The following PARD3B variants were observed in gnomAD, a reference collection of about 807,000 sequenced individuals.
The protein encoded by PARD3B is partitioning defective 3 homolog B.
In PARD3B, 103 loss-of-function variants were observed where a neutral mutation model predicts 130.2. The observed-to-expected ratio is 0.79, with a 90% CI of 0.67 to 0.93. The LOEUF is 0.93. PARD3B is among the 40% of genes least tolerant of loss of function. PARD3B has a pLI of 0.00. For missense variants in PARD3B, 1,609 were observed against 1,499.2 expected (o/e 1.07, Z -1.21); for synonymous variants, 583 against 553.2 (o/e 1.05, Z -0.76).
intron 2 of PARD3B, among the ~76,000 whole-genome samples, chr2:204,918,318 T>C (rs535210357): frequency 8.5e-5 from 13 of 152,238 alleles, no homozygotes; most frequent in Admixed American, 2.6e-4. Context: ...CTAGACTTGC[T>C]TTGAAACTTC....
At chr2:204,573,392 A>G (rs1290944249) in intron 1 of PARD3B, among the ~76,000 whole-genome samples, 1 of 152,188 alleles carries the variant, frequency 6.6e-6, no homozygotes, top group African/African-American at 2.4e-5. Context: ...TCTGATGCCT[A>G]TAGGCTCTGC....
chr2:204,650,490 A>G (rs1377114682), intron 1 of PARD3B, among the ~76,000 whole-genome samples: 2 of 152,212 alleles, frequency 1.3e-5, no homozygotes, highest in Admixed American at 1.3e-4. Context: ...AAGACATGGA[A>G]TCAACCTAAA....
In PARD3B at chr2:205,590,365, A is replaced by G. The variant is rs1041812995; in HGVS notation, c.3261-25091A>G. On this transcript the variant is annotated intron_variant, in intron 22 of 22. Transcript: ENST00000406610. The surrounding 1 kb of genome is among the most constrained non-coding windows in gnomAD (Gnocchi z 4.1). ...CCATGGTGGCAAGATGGCTGCCCAC[A>G]GCATCAGGCTTACTTCCCCCTCTTC... 4.7e-5 allele frequency among the ~76,000 whole-genome samples: 5 copies of G among 105,714 alleles called. No homozygotes were observed. Among genetic ancestry groups the G allele is most frequent in the African/African-American group, 1.5e-4 (4 of 27,122 alleles). 69.4% of individuals were successfully genotyped at this position (105,714 alleles called of 152,430 possible). A position where few individuals can be genotyped will look rare whatever the true frequency, so the allele number is the denominator to read the frequency against.
intron 1 of PARD3B, among the ~76,000 whole-genome samples, chr2:204,601,533 A>G (rs2033513384): frequency 6.6e-6 from 1 of 152,012 alleles, no homozygotes; most frequent in Admixed American, 6.6e-5. Flanking sequence ...TTATATGCAA[A>G]TGATATTTTT....
chr2:205,273,110 T>C (rs1233346710), intron 16 of PARD3B, among the ~76,000 whole-genome samples: 1 of 152,226 alleles, frequency 6.6e-6, no homozygotes, highest in African/African-American at 2.4e-5. Flanking sequence ...TGTAAACTAG[T>C]TCAGTGTTCT....
At chr2:204,915,904 A>G (rs942374485) in intron 2 of PARD3B, among the ~76,000 whole-genome samples, 1 of 152,158 alleles carries the variant, frequency 6.6e-6, no homozygotes, top group Non-Finnish European at 1.5e-5. Flanking sequence ...TTAAAAATTC[A>G]TTTACGGTTT....
intron 18 of PARD3B, among the ~76,000 whole-genome samples, chr2:205,303,083 A>G (rs2042068610): frequency 7.4e-6 from 1 of 135,082 alleles, no homozygotes; most frequent in Non-Finnish European, 1.5e-5. Context: ...ACTTTTGGGT[A>G]AAAAAAAAAG....
At chr2:205,215,278 CTTT>C (rs879735307) in intron 15 of PARD3B, among the ~76,000 whole-genome samples, 2 of 142,152 alleles carry the variant, frequency 1.4e-5, no homozygotes, top group African/African-American at 5.1e-5. Context: ...TTACATTGTT[CTTT>C]TTTTTTTTTA....
intron 2 of PARD3B, among the ~76,000 whole-genome samples, chr2:204,761,574 G>A (rs1008910565): frequency 1.4e-4 from 21 of 147,292 alleles, no homozygotes; most frequent in African/African-American, 5.2e-4. Context: ...AATAAGGGGA[G>A]CTTGCATTTC....
chr2:205,007,651 A>G lies in PARD3B; in HGVS notation c.395-39930A>G, dbSNP rs532044137. Among the ~76,000 whole-genome samples the G allele has an allele frequency of 2.0e-5, 3 of 152,264 alleles. No individual in the cohort carries two copies. In the South Asian group the frequency reaches 6.2e-4, roughly 32 times the overall value. ...GCCTCCAGATTTGTTCTTTTGACTTAGTATTGCTTCAGCTATGTGAGCTCT... is the reference window on the plus strand; with the variant it reads ...GCCTCCAGATTTGTTCTTTTGACTTGGTATTGCTTCAGCTATGTGAGCTCT... On this transcript the variant is annotated intron_variant, in intron 3 of 22. Transcript: ENST00000406610.
At chr2:205,496,437 A>G (rs2049928174) in intron 20 of PARD3B, among the ~76,000 whole-genome samples, 2 of 152,318 alleles carry the variant, frequency 1.3e-5, no homozygotes, top group South Asian at 4.1e-4. Flanking sequence ...GTCCCAGGTT[A>G]CCACAAAAGG....
At chr2:204,996,627 C>T (rs1694209446) in intron 3 of PARD3B, among the ~76,000 whole-genome samples, 1 of 150,848 alleles carries the variant, frequency 6.6e-6, no homozygotes, top group African/African-American at 2.4e-5. Context: ...AGCTTCCCGG[C>T]TGCTTTGTTT....
chr2:205,221,948 A>C (rs980079032), intron 15 of PARD3B, among the ~76,000 whole-genome samples: 1 of 152,120 alleles, frequency 6.6e-6, no homozygotes, highest in African/African-American at 2.4e-5. Context: ...TCTGGGGCCT[A>C]TTGGAGGGTG....
At chr2:205,209,680 TTGAA>T (rs2125845292) in intron 15 of PARD3B, among the ~76,000 whole-genome samples, 1 of 151,978 alleles carries the variant, frequency 6.6e-6, no homozygotes, top group Non-Finnish European at 1.5e-5. Flanking sequence ...TCTGAATATT[TTGAA>T]TGATAAAATT....
At chr2:204,931,963 C>T (rs1482902332) in intron 2 of PARD3B, among the ~76,000 whole-genome samples, 2 of 152,002 alleles carry the variant, frequency 1.3e-5, no homozygotes, top group African/African-American at 4.8e-5. Flanking sequence ...TACACAGCTG[C>T]AAAATTCTTA....
intron 4 of PARD3B, among the ~76,000 whole-genome samples, chr2:205,052,106 G>A (rs1055576837): frequency 2.0e-5 from 3 of 151,932 alleles, no homozygotes; most frequent in Non-Finnish European, 4.4e-5. Flanking sequence ...CATAAAACAA[G>A]GTTCTTGAAA....
chr2:205,459,632 T>A (rs1220488539), intron 20 of PARD3B, among the ~76,000 whole-genome samples: 1 of 152,188 alleles, frequency 6.6e-6, no homozygotes, highest in East Asian at 1.9e-4. Context: ...GGCCCTACAG[T>A]CACTGTTGTG....
intron 2 of PARD3B, among the ~76,000 whole-genome samples, chr2:204,866,012 C>T (rs1352275698): frequency 6.6e-6 from 1 of 152,168 alleles, no homozygotes; most frequent in Non-Finnish European, 1.5e-5. Flanking sequence ...CCTCCCAATC[C>T]ACCTGCTTCC....
At chr2:205,031,610 T>G (rs532782865) in intron 3 of PARD3B, among the ~76,000 whole-genome samples, 1 of 152,296 alleles carries the variant, frequency 6.6e-6, no homozygotes, top group Non-Finnish European at 1.5e-5. Flanking sequence ...CTCATCTTGG[T>G]AGATTATGCT....
Sources: gnomAD v4.1 joint callset for allele counts (sites outside exome capture counted in the v4.1 genomes callset) on GRCh38, gnomAD v4.1.1 for gene constraint, Gnocchi (gnomAD v3.1) non-coding constraint, MANE v1.5 for transcripts, NCBI Gene and HGNC (gene_info 2026-07-23, HGNC 2026-07-21) for gene names.